Variants in RBFOX1 observed in about 807,000 individuals in gnomAD.
RBFOX1 encodes the protein RNA binding protein fox-1 homolog 1.
RBFOX1 carries 8 observed loss-of-function variants against 57.7 expected under a neutral mutation model. That is an observed-to-expected ratio of 0.14 (90% CI 0.08 to 0.25). RBFOX1 has a LOEUF of 0.25. RBFOX1 is among the 10% of genes least tolerant of loss of function. The pLI is 1.00. For synonymous variants in RBFOX1, 326 were observed against 222.4 expected (o/e 1.47, Z -4.15); for missense variants, 611 against 548.5 (o/e 1.11, Z -1.14).
chr16:7,475,037 A>C (rs1002920297), intron 4 of RBFOX1, among the ~76,000 whole-genome samples: 1 of 152,200 alleles, frequency 6.6e-6, no homozygotes, highest in Non-Finnish European at 1.5e-5. Flanking sequence ...TTGATAACAA[A>C]GACAGGTTGT....
intron 1 of RBFOX1, among the ~76,000 whole-genome samples, chr16:6,302,787 A>G (rs934354708): frequency 6.6e-6 from 1 of 152,258 alleles, no homozygotes; most frequent in Non-Finnish European, 1.5e-5. Context: ...GCTGGTAATT[A>G]GCAGACATGA....
At chr16:5,954,096 C>A (rs147713592) in intron 4 of RBFOX1, among the ~76,000 whole-genome samples, 3 of 152,328 alleles carry the variant, frequency 2.0e-5, no homozygotes, top group East Asian at 3.9e-4. Context: ...AGCCCCCTGC[C>A]ATCGAGAATG....
intron 4 of RBFOX1, among the ~76,000 whole-genome samples, chr16:7,107,673 C>A (rs538685867): frequency 1.4e-4 from 21 of 152,240 alleles, no homozygotes; most frequent in African/African-American, 5.1e-4. Context: ...AATCCACTTT[C>A]TATTTCTACA....
At chr16:6,997,768 C>T (rs2092394085) in intron 3 of RBFOX1, among the ~76,000 whole-genome samples, 1 of 152,090 alleles carries the variant, frequency 6.6e-6, no homozygotes, top group South Asian at 2.1e-4. Context: ...CTCACAACTA[C>T]AGACTACTCA....
At chr16:7,285,241 G>C (rs921086742) in intron 4 of RBFOX1, among the ~76,000 whole-genome samples, 1 of 151,950 alleles carries the variant, frequency 6.6e-6, no homozygotes, top group African/African-American at 2.4e-5. Context: ...AATACAGAGA[G>C]TTCCAATGTA....
intron 4 of RBFOX1, among the ~76,000 whole-genome samples, chr16:7,234,559 C>G (rs556895900): frequency 6.6e-6 from 1 of 150,948 alleles, no homozygotes; most frequent in South Asian, 2.1e-4. Context: ...ACCATGAAGT[C>G]TTCTGTTGCA....
At position 6,779,869 on chromosome 16, in the gene RBFOX1, TTATATATATTTA is replaced by T. The variant is rs1567209468; in HGVS notation, c.-16+125227_-16+125238del. The stretch of plus-strand genomic sequence containing the variant: ...TATATATTTATATATATTTATATAT[TTATATATATTTA>T]TATATATTTATATATATTTATATAT... On this transcript the variant is annotated intron_variant, in intron 3 of 15. Coordinates refer to ENST00000550418, the MANE Select transcript of RBFOX1 (RefSeq NM_018723.4). Among the ~76,000 whole-genome samples, 20 of 3,310 alleles carry T rather than the reference TTATATATATTTA, an allele frequency of 6.0e-3. 3 individuals are homozygous for T. Among genetic ancestry groups the T allele is most frequent in the Non-Finnish European group, 7.5e-3 (16 of 2,142 alleles). 2.2% of individuals were successfully genotyped at this position (3,310 alleles called of 152,430 possible). A position where few individuals can be genotyped will look rare whatever the true frequency, so the allele number is the denominator to read the frequency against.
intron 4 of RBFOX1, among the ~76,000 whole-genome samples, chr16:7,144,816 A>T (rs934767148): frequency 6.6e-6 from 1 of 152,120 alleles, no homozygotes; most frequent in African/African-American, 2.4e-5. Context: ...GGAATAAAAG[A>T]GTCTTTATGG....
chr16:6,092,400 C>T (rs2152534754), intron 1 of RBFOX1: 1 of 152,288 alleles, frequency 6.6e-6, no homozygotes, highest in Admixed American at 6.5e-5. Context: ...TCTATGTCTC[C>T]TACCTTCTTG....
intron 3 of RBFOX1, among the ~76,000 whole-genome samples, chr16:6,875,429 G>T (rs1166513136): frequency 6.6e-6 from 1 of 152,072 alleles, no homozygotes; most frequent in African/African-American, 2.4e-5. Context: ...TGCAATGTGT[G>T]GCTTCTTCCC....
At chr16:7,041,523 C>T (rs994967700) in intron 3 of RBFOX1, among the ~76,000 whole-genome samples, 2 of 152,096 alleles carry the variant, frequency 1.3e-5, no homozygotes, top group African/African-American at 4.8e-5. Context: ...CCTCATTCGC[C>T]GTTGCACTCT....
intron 3 of RBFOX1, among the ~76,000 whole-genome samples, chr16:5,705,555 A>G (rs1258835487): frequency 1.3e-5 from 2 of 152,228 alleles, no homozygotes; most frequent in African/African-American, 4.8e-5. Context: ...CATTGACATT[A>G]GTACACACAA....
At chr16:6,956,301 A>C (rs2081828027) in intron 3 of RBFOX1, among the ~76,000 whole-genome samples, 1 of 152,178 alleles carries the variant, frequency 6.6e-6, no homozygotes, top group South Asian at 2.1e-4. Flanking sequence ...AGTCTTGCTA[A>C]GGAATCCCCA....
At chr16:6,660,921 G>A (rs1425113078) in intron 3 of RBFOX1, among the ~76,000 whole-genome samples, 1 of 152,126 alleles carries the variant, frequency 6.6e-6, no homozygotes, top group Non-Finnish European at 1.5e-5. Flanking sequence ...AAAGGAAGAG[G>A]ATCCTTGGTG....
intron 3 of RBFOX1, among the ~76,000 whole-genome samples, chr16:5,655,205 A>T (rs2049386154): frequency 6.6e-6 from 1 of 152,224 alleles, no homozygotes. Context: ...TCATATGCAG[A>T]ATCTACTGTG....
At chr16:6,972,688 C>T (rs1269746151) in intron 3 of RBFOX1, among the ~76,000 whole-genome samples, 1 of 151,966 alleles carries the variant, frequency 6.6e-6, no homozygotes, top group African/African-American at 2.4e-5. Context: ...GGAGGGCTGG[C>T]CTTGATAGAG....
chr16:5,679,990 C>T (rs1001256031), intron 3 of RBFOX1, among the ~76,000 whole-genome samples: 31 of 152,104 alleles, frequency 2.0e-4, no homozygotes, highest in Middle Eastern at 3.2e-3. Context: ...AAAGGAGGAA[C>T]AAAGGAATAT....
intron 4 of RBFOX1, among the ~76,000 whole-genome samples, chr16:7,420,117 T>C (rs1307303771): frequency 6.6e-6 from 1 of 152,154 alleles, no homozygotes; most frequent in Non-Finnish European, 1.5e-5. Flanking sequence ...TTGACAACTC[T>C]TTGTTAGATG....
At chr16:7,475,242 G>C (rs573865424) in intron 4 of RBFOX1, among the ~76,000 whole-genome samples, 1 of 151,128 alleles carries the variant, frequency 6.6e-6, no homozygotes, top group South Asian at 2.1e-4. Context: ...GTGTAGTTCT[G>C]TTTTCAACAC....
Sources: allele counts gnomAD v4.1 joint callset (sites outside exome capture counted in the v4.1 genomes callset), GRCh38; gene constraint gnomAD v4.1.1; transcripts MANE v1.5; gene names NCBI Gene and HGNC (gene_info 2026-07-23, HGNC 2026-07-21).